The following WDPCP variants were observed in gnomAD, a reference collection of about 807,000 sequenced individuals.
WDPCP encodes the protein WD repeat containing planar cell polarity effector, also known as WD repeat-containing and planar cell polarity effector protein fritz homolog.
In WDPCP, 71 loss-of-function variants were observed where a neutral mutation model predicts 93.1. That is an observed-to-expected ratio of 0.76 (90% CI 0.63 to 0.93). The LOEUF (loss-of-function observed/expected upper bound fraction) is 0.93. Among genes scored for constraint, WDPCP ranks in the 40% least tolerant of loss-of-function variants. The probability of loss-of-function intolerance (pLI) is 0.00; values close to 1 mark genes in which losing one functional copy is unlikely to be tolerated. For missense variants in WDPCP, 844 were observed against 887.4 expected (o/e 0.95, Z 0.62); for synonymous variants, 315 against 315.0 (o/e 1.00, Z 0.00).
intron 1 of WDPCP, among the ~76,000 whole-genome samples, chr2:63,547,136 G>C (rs1705211970): frequency 1.3e-5 from 2 of 151,766 alleles, no homozygotes; most frequent in Non-Finnish European, 1.5e-5. Context: ...AAATGACCAA[G>C]AAATATATTA....
intron 2 of WDPCP, among the ~76,000 whole-genome samples, chr2:63,709,828 A>G (rs1014247097): frequency 3.3e-5 from 5 of 152,198 alleles, no homozygotes; most frequent in African/African-American, 1.2e-4. Context: ...TTACAATAAA[A>G]TGTTTGACGA....
At chr2:63,505,536 A>T (rs1377017847) in intron 1 of WDPCP, among the ~76,000 whole-genome samples, 1 of 152,136 alleles carries the variant, frequency 6.6e-6, no homozygotes, top group East Asian at 1.9e-4. Context: ...TAAAGCCCAA[A>T]CAAGTTACAG....
chr2:63,643,648 G>A lies in WDPCP; in HGVS notation n.488+7011C>T, dbSNP rs1575737221. On this transcript the variant is annotated intron_variant and non_coding_transcript_variant, in intron 3 of 4. Transcript: ENST00000467687. ...AATCACCAGATGAGGAATTCCTTTT[G>A]TACCCACAAAGATTTTTCTCACTTT... 8.7e-6 allele frequency: 4 copies of A among 460,248 alleles called. No homozygotes were observed. In the East Asian group the frequency reaches 2.2e-4, roughly 25 times the overall value. 28.5% of individuals were successfully genotyped at this position (460,248 alleles called of 1,614,324 possible).
chr2:63,549,247 C>CAAAAAA (rs60864094), intron 1 of WDPCP, among the ~76,000 whole-genome samples: 70 of 87,594 alleles, frequency 8.0e-4, no homozygotes, highest in East Asian at 1.0e-3. Flanking sequence ...GAGACTGTCT[C>CAAAAAA]AAAAAAAAAA....
intron 10 of WDPCP, among the ~76,000 whole-genome samples, chr2:63,389,608 G>T (rs999576694): frequency 6.6e-6 from 1 of 152,148 alleles, no homozygotes; most frequent in Non-Finnish European, 1.5e-5. Flanking sequence ...AGACAAACTG[G>T]AAAAAGAGTC....
intron 10 of WDPCP, among the ~76,000 whole-genome samples, chr2:63,400,749 G>T (rs977460508): frequency 1.3e-5 from 2 of 152,112 alleles, no homozygotes; most frequent in African/African-American, 4.8e-5. Flanking sequence ...TATACTAAAG[G>T]CTACAGTAAC....
intron 9 of WDPCP, among the ~76,000 whole-genome samples, chr2:63,415,437 G>T (rs968893670): frequency 2.6e-4 from 39 of 152,118 alleles, no homozygotes; most frequent in Admixed American, 2.5e-3. Context: ...ATAGTAGTAA[G>T]CAAGAAAATA....
chr2:63,303,606 G>GTGGTCC (rs1409735180), intron 13 of WDPCP, among the ~76,000 whole-genome samples: 4 of 152,186 alleles, frequency 2.6e-5, no homozygotes, highest in Non-Finnish European at 5.9e-5. Context: ...CCCCTCTGGA[G>GTGGTCC]TGGTCCACTG....
chr2:63,133,683 G>A (rs1357998635), intron 17 of WDPCP, among the ~76,000 whole-genome samples: 2 of 152,166 alleles, frequency 1.3e-5, no homozygotes, highest in Admixed American at 1.3e-4. Flanking sequence ...ATGATTATAA[G>A]GTTCCTGAGG....
chr2:63,681,317 C>T lies in WDPCP; in HGVS notation n.309-30479G>A, dbSNP rs549800276. 7.2e-5 allele frequency among the ~76,000 whole-genome samples: 11 copies of T among 152,146 alleles called. No homozygotes were observed. In the South Asian group the frequency reaches 1.5e-3, roughly 20 times the overall value. On this transcript the variant is annotated intron_variant and non_coding_transcript_variant, in intron 2 of 4. Coordinates refer to the WDPCP transcript ENST00000467687. ...TGGAGCAGAGGGGAGCCCACTGCTC[C>T]GAAGGGTGAGTCACAGGCCTGGTAG...
At position 63,121,351 on chromosome 2, in the gene WDPCP, G is replaced by C. The variant is rs1407689898; in HGVS notation, c.*655C>G. On this transcript the variant is annotated 3_prime_UTR_variant, in exon 18 of 18. Transcript: ENST00000272321. ...TAAATTAATAATGTAAACAAGAGCA[G>C]AAGAGGACTTTCTTTCTTTCTTTTC... is the stretch of plus-strand genomic sequence containing the variant. The C allele has an allele frequency of 6.7e-6, 1 of 150,136 alleles. No homozygotes were observed. The highest frequency in any genetic ancestry group is 1.5e-5 in the Non-Finnish European group (1 of 67,698). 9.3% of individuals were successfully genotyped at this position (150,136 alleles called of 1,614,324 possible).
At chr2:63,316,123 A>C (rs937810986) in intron 12 of WDPCP, among the ~76,000 whole-genome samples, 1 of 152,180 alleles carries the variant, frequency 6.6e-6, no homozygotes, top group Non-Finnish European at 1.5e-5. Flanking sequence ...TGTATAAGTC[A>C]GGAATTACAC....
chr2:63,607,682 T>G (rs1244122185), intron 3 of WDPCP, among the ~76,000 whole-genome samples: 1 of 151,598 alleles, frequency 6.6e-6, no homozygotes, highest in African/African-American at 2.4e-5. Context: ...TGCAAAAAAT[T>G]AGCCAGGCGT....
intron 2 of WDPCP, among the ~76,000 whole-genome samples, chr2:63,793,825 A>G (rs1670577367): frequency 6.6e-6 from 1 of 152,030 alleles, no homozygotes; most frequent in South Asian, 2.1e-4. Context: ...ATTTATATCA[A>G]GAAATTTAAG....
At chr2:63,244,390 A>T (rs567577093) in intron 14 of WDPCP, among the ~76,000 whole-genome samples, 3 of 152,292 alleles carry the variant, frequency 2.0e-5, no homozygotes, top group South Asian at 4.1e-4. Context: ...CAAAATTGAG[A>T]GGCAAAAATC....
intron 2 of WDPCP, among the ~76,000 whole-genome samples, chr2:63,664,905 C>T (rs905485033): frequency 4.6e-5 from 7 of 152,126 alleles, no homozygotes; most frequent in Admixed American, 1.3e-4. Flanking sequence ...GGTCACCCAA[C>T]AAGGAGATCT....
intron 2 of WDPCP, among the ~76,000 whole-genome samples, chr2:63,740,842 C>G (rs978054683): frequency 6.6e-6 from 1 of 152,084 alleles, no homozygotes; most frequent in Admixed American, 6.6e-5. Flanking sequence ...CAGAGCCATG[C>G]CCAACACATG....
intron 2 of WDPCP, among the ~76,000 whole-genome samples, chr2:63,675,253 G>A (rs938897298): frequency 1.3e-5 from 2 of 152,196 alleles, no homozygotes; most frequent in Admixed American, 1.3e-4. Context: ...CACCCAGGCA[G>A]TGAGTTTCTC....
chr2:63,381,603 C>A (rs1465853479), intron 11 of WDPCP, among the ~76,000 whole-genome samples: 1 of 152,072 alleles, frequency 6.6e-6, no homozygotes, highest in African/African-American at 2.4e-5. Flanking sequence ...AATTTTTGAT[C>A]AAAGTTTGAA....
Sources: allele counts gnomAD v4.1 joint callset (sites outside exome capture counted in the v4.1 genomes callset), GRCh38; gene constraint gnomAD v4.1.1; transcripts MANE v1.5; gene names NCBI Gene and HGNC (gene_info 2026-07-23, HGNC 2026-07-21).